The following CDIN1 variants were observed in gnomAD, a reference collection of about 807,000 sequenced individuals.
CDIN1 encodes CDAN1-interacting nuclease 1.
A neutral mutation model predicts 45.3 loss-of-function variants in CDIN1; 33 were observed. The observed-to-expected ratio is 0.73, with a 90% CI of 0.55 to 0.97. The LOEUF (loss-of-function observed/expected upper bound fraction) is 0.97. CDIN1 is among the 50% of genes least tolerant of loss of function. The pLI is 0.00. For synonymous variants in CDIN1, 118 were observed against 124.4 expected, an observed-to-expected ratio of 0.95 and a Z score of 0.34; for missense variants, 303 against 339.4, an observed-to-expected ratio of 0.89 and a Z score of 0.84.
At chr15:36,588,646 G>A (rs2037419608) in intron 1 of CDIN1, among the ~76,000 whole-genome samples, 2 of 152,060 alleles carry the variant, frequency 1.3e-5, no homozygotes, top group African/African-American at 2.4e-5. Context: ...ATTATTTCAT[G>A]TGTTTTCTTT....
At chr15:36,691,799 G>A (rs1261658473) in intron 6 of CDIN1, 35 bp downstream of exon 6, 1 of 1,413,684 alleles carries the variant, frequency 7.1e-7, no homozygotes, top group Non-Finnish European at 9.9e-7. Context: ...CAGTGGCAAT[G>A]CTGTTATCTG....
At chr15:36,705,832 C>T (rs1017348850) in intron 8 of CDIN1, 2 of 152,060 alleles carry the variant, frequency 1.3e-5, no homozygotes, top group East Asian at 1.9e-4. Context: ...CTGAATAAGA[C>T]ACATAGGAAG....
intron 1 of CDIN1, among the ~76,000 whole-genome samples, chr15:36,630,453 G>A (rs2039632352): frequency 6.6e-6 from 1 of 152,188 alleles, no homozygotes; most frequent in Admixed American, 6.5e-5. Context: ...TTTACAGACG[G>A]TGGAATTGAG....
chr15:36,655,627 C>T (rs2040754452), intron 4 of CDIN1, among the ~76,000 whole-genome samples: 1 of 152,104 alleles, frequency 6.6e-6, no homozygotes, highest in Admixed American at 6.6e-5. Flanking sequence ...GCCCGGCCAG[C>T]AGGCTGGTTT....
At chr15:36,636,456 G>A (rs2039900923) in intron 1 of CDIN1, among the ~76,000 whole-genome samples, 1 of 152,144 alleles carries the variant, frequency 6.6e-6, no homozygotes, top group Admixed American at 6.5e-5. Context: ...GGAGGCTGAG[G>A]CAGGAGAATG....
At chr15:36,788,128 T>A (rs2141077282) in intron 10 of CDIN1, among the ~76,000 whole-genome samples, 1 of 131,862 alleles carries the variant, frequency 7.6e-6, no homozygotes, top group Non-Finnish European at 1.6e-5. Context: ...TTTTTTTTTT[T>A]TTTTTGAGAC....
rs143979369 is a variant in CDIN1 at position 36,630,011 on chromosome 15, A to G, written c.102-14267A>G. ...AAGTCTTATATCAGAAAATATGGTA[A>G]TTTAGGAGAGGCTGGAATTTCAGCA... is the stretch of plus-strand genomic sequence containing the variant. On this transcript the variant is annotated intron_variant, in intron 1 of 10. Coordinates refer to ENST00000566621, the MANE Select transcript of CDIN1 (RefSeq NM_001321759.2). Among the ~76,000 whole-genome samples the G allele has an allele frequency of 1.8e-4, 27 of 152,300 alleles. No homozygotes were observed. In the East Asian group the frequency reaches 5.2e-3, roughly 29 times the overall value.
intron 10 of CDIN1, among the ~76,000 whole-genome samples, chr15:36,758,618 A>T (rs1161466600): frequency 2.6e-5 from 4 of 152,078 alleles, no homozygotes; most frequent in African/African-American, 9.7e-5. Context: ...AGGCAATAAC[A>T]CCCTTTACAA....
At position 36,732,564 on chromosome 15, in the gene CDIN1, T is replaced by A. The variant is rs190329101; in HGVS notation, c.716+22603T>A. Among the ~76,000 whole-genome samples the A allele has an allele frequency of 1.5e-4, 23 of 152,188 alleles. No individual in the cohort carries two copies. In the East Asian group the frequency reaches 4.0e-3, roughly 27 times the overall value. ...AAAAAGAGATACATACAAAAATATG[T>A]AAGGGTAGATTGAGTTGGTGTCTGA... On this transcript the variant is annotated intron_variant, in intron 10 of 10. Coordinates refer to ENST00000566621, the MANE Select transcript of CDIN1 (RefSeq NM_001321759.2).
At chr15:36,597,381 T>C (rs1221951834) in intron 1 of CDIN1, among the ~76,000 whole-genome samples, 1 of 152,192 alleles carries the variant, frequency 6.6e-6, no homozygotes, top group Non-Finnish European at 1.5e-5. Context: ...ACAACCTCTC[T>C]ACCACCATCC....
At chr15:36,638,400 C>G (rs547587163) in intron 1 of CDIN1, among the ~76,000 whole-genome samples, 1 of 152,244 alleles carries the variant, frequency 6.6e-6, no homozygotes, top group Non-Finnish European at 1.5e-5. Context: ...TTACAGAGGG[C>G]CCCGGCATCC....
chr15:36,708,960 G>T, intron 8 of CDIN1: 1 of 295,042 alleles, frequency 3.4e-6, no homozygotes. Context: ...TTACAAAAAA[G>T]GTAGTATATG....
chr15:36,723,505 G>A (rs2043510725), intron 10 of CDIN1, among the ~76,000 whole-genome samples: 3 of 152,088 alleles, frequency 2.0e-5, no homozygotes, highest in Non-Finnish European at 4.4e-5. Flanking sequence ...AATATTTGAT[G>A]AGCCCTAATT....
At chr15:36,694,609 G>A (rs2042360355) in intron 7 of CDIN1, among the ~76,000 whole-genome samples, 1 of 151,806 alleles carries the variant, frequency 6.6e-6, no homozygotes, top group African/African-American at 2.4e-5. Flanking sequence ...TTTTTCCTAT[G>A]CAGCCATGCC....
chr15:36,590,034 C>T (rs1427907621), intron 1 of CDIN1, among the ~76,000 whole-genome samples: 2 of 152,164 alleles, frequency 1.3e-5, no homozygotes. Context: ...AGTGAAGAGT[C>T]AGTAGTCCTT....
chr15:36,660,699 A>C (rs1044455855), intron 5 of CDIN1, among the ~76,000 whole-genome samples: 5 of 152,166 alleles, frequency 3.3e-5, no homozygotes, highest in African/African-American at 1.2e-4. Flanking sequence ...CCCCTGATTA[A>C]ATAATGTTCT....
intron 5 of CDIN1, among the ~76,000 whole-genome samples, chr15:36,689,921 C>T (rs565373741): frequency 8.5e-5 from 13 of 152,148 alleles, no homozygotes; most frequent in Non-Finnish European, 1.6e-4. Flanking sequence ...CACTTTATTT[C>T]GGTAGTCAGC....
chr15:36,638,369 A>G (rs1034783182), intron 1 of CDIN1, among the ~76,000 whole-genome samples: 1 of 152,214 alleles, frequency 6.6e-6, no homozygotes, highest in African/African-American at 2.4e-5. Flanking sequence ...TTCATTGAAT[A>G]TTGTTTTATA....
chr15:36,695,905 G>A (rs150002462), intron 7 of CDIN1, among the ~76,000 whole-genome samples: 277 of 151,626 alleles, frequency 1.8e-3, no homozygotes, highest in African/African-American at 6.3e-3. Context: ...TTATAAGATG[G>A]TATCTCAAAG....
Sources: gnomAD v4.1 joint callset for allele counts (sites outside exome capture counted in the v4.1 genomes callset) on GRCh38, gnomAD v4.1.1 for gene constraint, MANE v1.5 for transcripts, NCBI Gene and HGNC (gene_info 2026-07-23, HGNC 2026-07-21) for gene names.